CAMK1D: variants seen among roughly 807,000 people sequenced by gnomAD.
CAMK1D encodes calcium/calmodulin dependent protein kinase ID, also known as calcium/calmodulin-dependent protein kinase type 1D.
CAMK1D carries 9 observed loss-of-function variants against 47.7 expected under a neutral mutation model. That is an observed-to-expected ratio of 0.19 (90% CI 0.11 to 0.33). The LOEUF is 0.33. CAMK1D is among the 10% of genes least tolerant of loss of function. The pLI, the probability that CAMK1D is intolerant of heterozygous loss-of-function variation, is 1.00. For synonymous variants in CAMK1D, 184 were observed against 184.9 expected (o/e 0.99, Z 0.04); for missense variants, 291 against 488.7 (o/e 0.60, Z 3.81).
chr10:12,600,556 G>A (rs1838271996), intron 2 of CAMK1D, among the ~76,000 whole-genome samples: 1 of 152,206 alleles, frequency 6.6e-6, no homozygotes, highest in African/African-American at 2.4e-5. Flanking sequence ...TAGCAACCAA[G>A]AAGTCCGATA....
At chr10:12,725,727 C>G (rs1010987731) in intron 3 of CAMK1D, among the ~76,000 whole-genome samples, 4 of 152,176 alleles carry the variant, frequency 2.6e-5, no homozygotes. Context: ...TCATGTTCGT[C>G]TAGCCAGCTA....
At chr10:12,540,222 G>C (rs909311655) in intron 1 of CAMK1D, among the ~76,000 whole-genome samples, 1 of 151,572 alleles carries the variant, frequency 6.6e-6, no homozygotes. Context: ...GAGCCACTAT[G>C]CCTGGCTTGA....
chr10:12,740,140 C>T lies in CAMK1D; in HGVS notation c.300-20808C>T, dbSNP rs78680646. ...GTCTGTGCTCAGCTTTTTCCTGGGG[C>T]CTCACCTCTGCTCTCCGTTTATGCA... On this transcript the variant is annotated intron_variant, in intron 3 of 10. Transcript: ENST00000619168. 7.2e-3 allele frequency among the ~76,000 whole-genome samples: 1,096 copies of T among 152,308 alleles called. 10 individuals carry two copies. Among genetic ancestry groups the T allele is most frequent in the Admixed American group, 0.03 (466 of 15,296 alleles).
At chr10:12,428,083 T>C (rs1840313237) in intron 1 of CAMK1D, among the ~76,000 whole-genome samples, 1 of 152,120 alleles carries the variant, frequency 6.6e-6, no homozygotes, top group Non-Finnish European at 1.5e-5. Context: ...GTTTGTTACA[T>C]AGGTATTCAC....
At chr10:12,571,453 C>A (rs144319885) in intron 2 of CAMK1D, among the ~76,000 whole-genome samples, 1,251 of 89,492 alleles carry the variant, frequency 0.014, no homozygotes, top group East Asian at 0.02. Context: ...GACTCCATCA[C>A]AAAAAAAAAA....
intron 2 of CAMK1D, among the ~76,000 whole-genome samples, chr10:12,565,501 G>A (rs368347983): frequency 6.6e-6 from 1 of 152,158 alleles, no homozygotes; most frequent in African/African-American, 2.4e-5. Flanking sequence ...TGATCTGCCC[G>A]CCTCGGCCTC....
At chr10:12,427,528 A>G (rs570814652) in intron 1 of CAMK1D, among the ~76,000 whole-genome samples, 3 of 151,998 alleles carry the variant, frequency 2.0e-5, no homozygotes, top group African/African-American at 7.2e-5. Context: ...CCGGACAGGG[A>G]GAAGGTGGGG....
intron 7 of CAMK1D, among the ~76,000 whole-genome samples, chr10:12,815,929 A>G (rs1056431407): frequency 1.1e-4 from 16 of 152,250 alleles, no homozygotes; most frequent in African/African-American, 3.4e-4. Flanking sequence ...TGATGGACTA[A>G]TTAGAGGCAC....
intron 1 of CAMK1D, among the ~76,000 whole-genome samples, chr10:12,425,424 C>T (rs918224514): frequency 4.0e-5 from 6 of 151,784 alleles, no homozygotes; most frequent in African/African-American, 1.5e-4. Context: ...TGAGACTATA[C>T]ACGTGTGCCA....
chr10:12,679,508 G>T (rs7893280), intron 3 of CAMK1D, among the ~76,000 whole-genome samples: 133,840 of 152,192 alleles, frequency 0.88, 59,089 homozygotes, highest in Non-Finnish European at 0.92. Context: ...ACCTACACAC[G>T]AATAAATTTC....
chr10:12,649,148 C>T lies in CAMK1D; in HGVS notation c.225-17588C>T, dbSNP rs959201912. On this transcript the variant is annotated intron_variant, in intron 2 of 10. Coordinates refer to ENST00000619168, the MANE Select transcript of CAMK1D (RefSeq NM_153498.4). ...TCTCGAGTAGCTGGGATGACAGGCA[C>T]GTGCTCCCACACCCAGCAACTCAAT... Among the ~76,000 whole-genome samples the T allele has an allele frequency of 2.6e-5, 4 of 152,340 alleles. No homozygotes were observed. In the South Asian group the frequency reaches 6.2e-4, roughly 24 times the overall value.
chr10:12,392,783 C>A (rs1379149178), intron 1 of CAMK1D, among the ~76,000 whole-genome samples: 1 of 152,068 alleles, frequency 6.6e-6, no homozygotes, highest in Non-Finnish European at 1.5e-5. Context: ...TATCCTTTGA[C>A]AAAAGTCTCC....
chr10:12,648,949 C>T (rs559423696), intron 2 of CAMK1D, among the ~76,000 whole-genome samples: 1 of 152,170 alleles, frequency 6.6e-6, no homozygotes, highest in Non-Finnish European at 1.5e-5. Flanking sequence ...GCAGTCATAA[C>T]CTTGACCTCC....
intron 1 of CAMK1D, among the ~76,000 whole-genome samples, chr10:12,469,002 G>A (rs987671816): frequency 2.0e-5 from 3 of 152,094 alleles, no homozygotes; most frequent in Non-Finnish European, 4.4e-5. Context: ...CGTCCTGCCC[G>A]GGCAAGGTGG....
At chr10:12,488,646 A>G (rs1391801351) in intron 1 of CAMK1D, among the ~76,000 whole-genome samples, 2 of 152,184 alleles carry the variant, frequency 1.3e-5, no homozygotes, top group Non-Finnish European at 2.9e-5. Flanking sequence ...CATCATGTAG[A>G]GCCAGTGGGA....
At chr10:12,662,174 G>A (rs1240462733) in intron 2 of CAMK1D, among the ~76,000 whole-genome samples, 1 of 152,146 alleles carries the variant, frequency 6.6e-6, no homozygotes, top group African/African-American at 2.4e-5. Flanking sequence ...GAAGACACAT[G>A]GGATGGATAT....
intron 3 of CAMK1D, among the ~76,000 whole-genome samples, chr10:12,754,774 T>G (rs1836155894): frequency 6.6e-6 from 1 of 152,192 alleles, no homozygotes; most frequent in Non-Finnish European, 1.5e-5. Flanking sequence ...GTGCATGGAA[T>G]TCCCAGTGTC....
intron 6 of CAMK1D, among the ~76,000 whole-genome samples, chr10:12,806,237 A>G (rs1342300133): frequency 6.6e-6 from 1 of 152,200 alleles, no homozygotes; most frequent in Non-Finnish European, 1.5e-5. Context: ...AGTGTTGGGT[A>G]TCTGTCCCCC....
chr10:12,812,753 C>A (rs967504471), intron 6 of CAMK1D, among the ~76,000 whole-genome samples: 3 of 152,220 alleles, frequency 2.0e-5, no homozygotes, highest in Non-Finnish European at 4.4e-5. Context: ...CAGCCTTAGG[C>A]CCACCTCTTC....
Sources: allele counts gnomAD v4.1 joint callset (sites outside exome capture counted in the v4.1 genomes callset), GRCh38; gene constraint gnomAD v4.1.1; transcripts MANE v1.5; gene names NCBI Gene and HGNC (gene_info 2026-07-23, HGNC 2026-07-21).